Variants in DRP2 observed in about 807,000 individuals in gnomAD.
The protein encoded by DRP2 is dystrophin related protein 2.
In DRP2, 29 loss-of-function variants were observed where a neutral mutation model predicts 78.2. The ratio of observed to expected loss-of-function variants is 0.37; its 90% CI spans 0.28 to 0.51. DRP2 has a LOEUF of 0.51. Ranked by LOEUF, DRP2 falls within the 20% of genes least tolerant of loss-of-function variation. DRP2 has a pLI of 0.94. For missense variants in DRP2, 686 were observed against 770.6 expected (o/e 0.89, Z 1.30); for synonymous variants, 290 against 281.9 (o/e 1.03, Z -0.29).
intron 15 of DRP2, 24 bp downstream of exon 15, chrX:101,250,604 G>A: frequency 8.6e-7 from 1 of 1,165,755 alleles, no homozygotes; most frequent in Non-Finnish European, 1.1e-6. Context: ...TGGGGAGTGG[G>A]GGAGGGAAGG....
At position 101,237,685 on chromosome X, in the gene DRP2, C is replaced by T. The variant is rs1195941524; in HGVS notation, c.348C>T (p.Asp116=). The T allele has an allele frequency of 8.5e-7, 1 of 1,177,137 alleles. No homozygotes were observed. Residue 116 remains aspartate, a synonymous_variant, in exon 5 of 24, where the codon GAC becomes GAT. Coordinates refer to ENST00000395209, the MANE Select transcript of DRP2 (RefSeq NM_001939.3). The part of the protein sequence containing the change: ...KLQLPLQEII[D]WLSQKDEELS... ...AGCTCCCTCTTCAAGAGATTATTGA[C>T]TGGCTCAGCCAAAAGGATGAGGAGT...
At chrX:101,239,582 AT>A (rs1276940629) in intron 6 of DRP2, among the ~76,000 whole-genome samples, 3 of 109,255 alleles carry the variant, frequency 2.7e-5, no homozygotes, top group Admixed American at 9.7e-5. Flanking sequence ...CATCTCTACA[AT>A]TTTTTTTTGT....
At chrX:101,220,450 G>A (rs1300995893) in intron 1 of DRP2, among the ~76,000 whole-genome samples, 1 of 109,908 alleles carries the variant, frequency 9.1e-6, no homozygotes, top group African/African-American at 3.3e-5. Context: ...AACTCAAGCC[G>A]ATTTGAGCAA....
intron 16 of DRP2, among the ~76,000 whole-genome samples, chrX:101,252,048 A>G (rs900254822): frequency 1.1e-4 from 12 of 112,323 alleles, no homozygotes; most frequent in African/African-American, 3.9e-4. Context: ...AAGTCTAGGC[A>G]TTTCACTGTC....
intron 11 of DRP2, 58 bp from the exon 12 acceptor site, chrX:101,247,032 G>T: frequency 1.8e-6 from 2 of 1,099,777 alleles, no homozygotes; most frequent in South Asian, 3.9e-5. Flanking sequence ...ATGGTATCTT[G>T]TTGCGGCTTT....
At chrX:101,254,354 A>G in intron 17 of DRP2, 71 bp from the exon 18 acceptor site, 1 of 1,166,562 alleles carries the variant, frequency 8.6e-7, no homozygotes, top group South Asian at 1.9e-5. Context: ...CTGCTCTAGC[A>G]GAGCAGCCAC....
In DRP2 at chrX:101,254,944, A is replaced by C. The variant is rs1436622715; in HGVS notation, c.2180+20A>C. 8.3e-7 allele frequency: 1 copy of C among 1,208,039 alleles called. No individual in the cohort carries two copies. The highest frequency in any genetic ancestry group is 1.8e-5 in the African/African-American group (1 of 56,866). On this transcript the variant is annotated intron_variant, in intron 19 of 23. Transcript: ENST00000395209. ...CAGCAGGTACCACCAGGTTTGCGGG[A>C]GGTGGGTAGGAGCTGTTGTAGGAAG... is the stretch of plus-strand genomic sequence containing the variant.
chrX:101,234,212 T>C (rs1922404480), intron 3 of DRP2, among the ~76,000 whole-genome samples: 1 of 112,778 alleles, frequency 8.9e-6, no homozygotes, highest in African/African-American at 3.2e-5. Context: ...AGTGGTCTGA[T>C]CTTATCCTCC....
intron 2 of DRP2, among the ~76,000 whole-genome samples, chrX:101,228,114 A>G (rs1025434687): frequency 1.8e-5 from 2 of 112,232 alleles, no homozygotes; most frequent in East Asian, 5.6e-4. Context: ...ACTCTCATAC[A>G]TTGCTAGTAG....
chrX:101,239,884 T>G (rs1922657401), intron 6 of DRP2, among the ~76,000 whole-genome samples: 2 of 111,156 alleles, frequency 1.8e-5, no homozygotes. Flanking sequence ...GCCCAAAATT[T>G]TTTTTTAAAT....
At chrX:101,246,957 T>A (rs777302987) in intron 11 of DRP2, 133 bp from the exon 12 acceptor site, 1 of 474,426 alleles carries the variant, frequency 2.1e-6, no homozygotes, top group Admixed American at 4.3e-5. Context: ...TTCTCATTCA[T>A]CCCCACTCTT....
chrX:101,231,834 C>A, intron 3 of DRP2, 70 bp downstream of exon 3: 1 of 953,870 alleles, frequency 1.0e-6, no homozygotes, highest in East Asian at 3.1e-5. Context: ...CCTTGGGGTA[C>A]CCACGCTTCC....
chrX:101,248,420 G>T, intron 13 of DRP2, 94 bp from the exon 14 acceptor site: 1 of 1,116,019 alleles, frequency 9.0e-7, no homozygotes, highest in Non-Finnish European at 1.2e-6. Context: ...TTGGAACAGG[G>T]CCCTGCTGGG....
rs1602925615 is a variant in DRP2 at position 101,245,092 on chromosome X, G to A, written c.1115+15G>A. On this transcript the variant is annotated intron_variant, in intron 10 of 23. Coordinates refer to ENST00000395209, the MANE Select transcript of DRP2 (RefSeq NM_001939.3). ...TACTACATCAAGTGAGTGACCATCTGAATCAGAAGCGGGTCAGTCACCTGC... is the reference window on the plus strand; with the variant it reads ...TACTACATCAAGTGAGTGACCATCTAAATCAGAAGCGGGTCAGTCACCTGC... The A allele has an allele frequency of 7.5e-6, 9 of 1,201,662 alleles. No homozygotes were observed. The highest frequency in any genetic ancestry group is 3.5e-5 in the African/African-American group (2 of 57,030).
Position 101,254,555 on chromosome X carries a change from G to C in DRP2, c.2108G>C (p.Ser703Thr). The C allele has an allele frequency of 8.3e-7, 1 of 1,212,023 alleles. No individual in the cohort carries two copies. The highest frequency in any genetic ancestry group is 1.1e-6 in the Non-Finnish European group (1 of 895,553). Reference protein sequence around the residue: ...PVQSVLEADYSETPASSPMWP... With the variant: ...PVQSVLEADYTETPASSPMWP... Reference sequence around the variant, plus strand: ...CAATCAGTGCTGGAGGCTGACTACAGTGAGACGTGAGTACTGGTGGCTGAG... The same window carrying C: ...CAATCAGTGCTGGAGGCTGACTACACTGAGACGTGAGTACTGGTGGCTGAG... The change falls in exon 18 of 24, where the codon AGT becomes ACT. Residue 703 changes from serine to threonine, a missense_variant. Transcript: ENST00000395209.
intron 3 of DRP2, among the ~76,000 whole-genome samples, chrX:101,235,625 C>A (rs1384950522): frequency 1.8e-5 from 2 of 112,429 alleles, no homozygotes; most frequent in Non-Finnish European, 3.8e-5. Context: ...TCATGAGTAA[C>A]AATAATAGTA....
At position 101,227,933 on chromosome X, in the gene DRP2, G is replaced by C. The variant is rs147652437; in HGVS notation, c.-64+3227G>C. On this transcript the variant is annotated intron_variant, in intron 2 of 23. Transcript: ENST00000395209. ...ATGAATCTCAAAAGAGAAGAAAAGAGATAGTTGATGAAAGAAGAGATACAA... is the reference window on the plus strand; with the variant it reads ...ATGAATCTCAAAAGAGAAGAAAAGACATAGTTGATGAAAGAAGAGATACAA... 5.6e-3 allele frequency among the ~76,000 whole-genome samples: 624 copies of C among 112,166 alleles called. 4 individuals carry two copies. The highest frequency in any genetic ancestry group is 0.02 in the African/African-American group (606 of 30,920).
chrX:101,237,597 TG>T, intron 4 of DRP2, 21 bp from the exon 5 acceptor site: 1 of 1,050,389 alleles, frequency 9.5e-7, no homozygotes. Context: ...TGAACATCAC[TG>T]GTTTTACTCA....
In DRP2 at chrX:101,224,439, C is replaced by T. The variant is rs1196591435; in HGVS notation, c.-166-165C>T. Reference sequence around the variant, plus strand: ...AGCCCAAAAAACCCGGATGTCCAGGCTTCCTTTCTGCGCATGCGCACAGTA... The same window carrying T: ...AGCCCAAAAAACCCGGATGTCCAGGTTTCCTTTCTGCGCATGCGCACAGTA... On this transcript the variant is annotated intron_variant, in intron 1 of 23. Transcript: ENST00000395209. Among the ~76,000 whole-genome samples, 3 of 107,315 alleles carry T rather than the reference C, an allele frequency of 2.8e-5. No individual in the cohort carries two copies. The Admixed American group carries it at 3.0e-4, about 11-fold the overall frequency. The allele number at this position is 107,315 out of a possible 115,157, so 93.2% of individuals were successfully genotyped here.
Sources: allele counts gnomAD v4.1 joint callset (sites outside exome capture counted in the v4.1 genomes callset), GRCh38; gene constraint gnomAD v4.1.1; transcripts MANE v1.5; gene names NCBI Gene and HGNC (gene_info 2026-07-23, HGNC 2026-07-21).